Variants in P3H1 observed in about 807,000 individuals in gnomAD.
P3H1 encodes growth suppressor 1.
P3H1 carries 69 observed loss-of-function variants against 84.0 expected under a neutral mutation model. That is an observed-to-expected ratio of 0.82 (90% confidence interval 0.68 to 1.00). The LOEUF is 1.00. Among genes scored for constraint, P3H1 ranks in the 50% least tolerant of loss-of-function variants. The pLI is 0.00. For synonymous variants in P3H1, 366 were observed against 388.8 expected (o/e 0.94, Z 0.69); for missense variants, 878 against 962.8 (o/e 0.91, Z 1.17).
At chr1:42,750,454 G>A (rs1651973392) in intron 10 of P3H1, 118 bp from the exon 11 acceptor site, 1 of 1,110,644 alleles carries the variant, frequency 9.0e-7, no homozygotes, top group Non-Finnish European at 1.3e-6. Flanking sequence ...AAGGGACCTG[G>A]TGGGAGATGA....
chr1:42,765,304 T>C (rs1448286950), intron 1 of P3H1, among the ~76,000 whole-genome samples: 1 of 152,246 alleles, frequency 6.6e-6, no homozygotes, highest in East Asian at 1.9e-4. Flanking sequence ...ATATTACCTC[T>C]TCTTTGAAGT....
chr1:42,759,681 C>T (rs1354955452), intron 2 of P3H1, among the ~76,000 whole-genome samples: 2 of 152,114 alleles, frequency 1.3e-5, no homozygotes, highest in Non-Finnish European at 2.9e-5. Flanking sequence ...GCAACCTCCA[C>T]CTCCTGGGTT....
Position 42,752,948 on chromosome 1 carries a change from C to T in P3H1, c.1346-284G>A, listed in dbSNP as rs79290834. On this transcript the variant is annotated intron_variant, in intron 8 of 14. Transcript: ENST00000296388. The stretch of plus-strand genomic sequence containing the variant: ...GAAACACAATCCTAAAACATGAGCT[C>T]GGGAACGAGGAAGAACTGACTTTGA... Among the ~76,000 whole-genome samples the T allele has an allele frequency of 0.015, 2,218 of 152,198 alleles. 61 individuals carry two copies. Among genetic ancestry groups the T allele is most frequent in the African/African-American group, 0.05 (2,087 of 41,496 alleles).
chr1:42,762,059 T>C (rs1652746533), intron 2 of P3H1: 1 of 437,794 alleles, frequency 2.3e-6, no homozygotes, highest in South Asian at 2.4e-5. Flanking sequence ...TTCTACAATG[T>C]TATACAATGA....
Position 42,766,007 on chromosome 1 carries a change from T to TCCCCCCCCCCCCC in P3H1, c.465+499_465+500insGGGGGGGGGGGGG, listed in dbSNP as rs747617057. The stretch of plus-strand genomic sequence containing the variant: ...TAAACCTGGCAGACTAGCCAGAGGG[T>TCCCCCCCCCCCCC]CCCCCCCCCGCCCCCACACACACAC... On this transcript the variant is annotated intron_variant, in intron 1 of 14. Coordinates refer to ENST00000296388, the MANE Select transcript of P3H1 (RefSeq NM_022356.4). Among the ~76,000 whole-genome samples, 5 of 117,722 alleles carry TCCCCCCCCCCCCC rather than the reference T, an allele frequency of 4.2e-5. 1 individual carries two copies. Among genetic ancestry groups the TCCCCCCCCCCCCC allele is most frequent in the South Asian group, 2.9e-4 (1 of 3,452 alleles). 77.2% of individuals were successfully genotyped at this position (117,722 alleles called of 152,430 possible).
rs72956932 is a variant in P3H1 at position 42,757,974 on chromosome 1, T to G, written c.941-52A>C. ...AGAGGAAAGAGTCAAAAGGAAAGGATAAAATCCTAGCACCAGGGACCACTT... is the reference window on the plus strand; with the variant it reads ...AGAGGAAAGAGTCAAAAGGAAAGGAGAAAATCCTAGCACCAGGGACCACTT... On this transcript the variant is annotated intron_variant, in intron 4 of 14. Coordinates refer to ENST00000296388, the MANE Select transcript of P3H1 (RefSeq NM_022356.4). 9.0e-3 allele frequency: 13,947 copies of G among 1,558,062 alleles called. 680 individuals are homozygous for G. The African/African-American group carries it at 0.13, about 15-fold the overall frequency.
intron 9 of P3H1, 71 bp from the exon 10 acceptor site, chr1:42,752,440 G>C: frequency 6.2e-7 from 1 of 1,609,008 alleles, no homozygotes; most frequent in East Asian, 2.2e-5. Context: ...GGTCAACTGT[G>C]GCCAGGAAGA....
chr1:42,763,711 G>C (rs1037656745), intron 1 of P3H1, among the ~76,000 whole-genome samples: 1 of 150,576 alleles, frequency 6.6e-6, no homozygotes, highest in South Asian at 2.1e-4. Context: ...GAAATCCAAG[G>C]GGGGAGAAAT....
chr1:42,752,410 C>G, intron 9 of P3H1, 41 bp from the exon 10 acceptor site: 1 of 1,611,296 alleles, frequency 6.2e-7, no homozygotes, highest in Non-Finnish European at 8.5e-7. Context: ...GCCAGGGCAG[C>G]TGAGGGCTTG....
rs748214024 is a variant in P3H1, at chr1:42,748,217, G to A, written c.1821C>T (p.Tyr607=). ...TLVCVKEPPA[Y]TFRDYSAILY... is the part of the protein sequence containing the mutation. ...GCACTCACCTGTAGTCGCGGAAGGT[G>A]TAGGCTGGGGGCTCTTTGACACACA... Residue 607 remains tyrosine, a synonymous_variant, in exon 12 of 15, where the codon TAC becomes TAT. Transcript: ENST00000296388. 11 of 1,613,758 alleles carry A rather than the reference G, an allele frequency of 6.8e-6. No homozygotes were observed. In the East Asian group the frequency reaches 2.0e-4, roughly 29 times the overall value.
rs781538347 is a variant in P3H1, at chr1:42,759,014, T to A, written c.809-31A>T. 67 of 1,613,832 alleles carry A rather than the reference T, an allele frequency of 4.2e-5. No homozygotes were observed. In the East Asian group the frequency reaches 1.5e-3, roughly 35 times the overall value. ...AGGAATCAAACAGAAGGAATAACTA[T>A]GAGGTCACTCTTTAGAACTCAAATT... On this transcript the variant is annotated intron_variant, in intron 3 of 14. Transcript: ENST00000296388.
Position 42,750,173 on chromosome 1 carries a change from T to C in P3H1, c.1720+13A>G. Reference sequence around the variant, plus strand: ...CATGCGGGGGCGGGTGCTGCAGGGGTAATGAGGCCCACCTTCGATGGCAGT... The same window carrying C: ...CATGCGGGGGCGGGTGCTGCAGGGGCAATGAGGCCCACCTTCGATGGCAGT... On this transcript the variant is annotated intron_variant, in intron 11 of 14. Coordinates refer to ENST00000296388, the MANE Select transcript of P3H1 (RefSeq NM_022356.4). 1 of 1,609,744 alleles carries C rather than the reference T, an allele frequency of 6.2e-7. No individual in the cohort carries two copies.
In P3H1 at chr1:42,757,865, T is replaced by C. The variant is rs760490909; in HGVS notation, c.998A>G (p.Asn333Ser). ...CAKTYLLFFPNDEVMNQNLAY... is the reference protein window; with the variant it reads ...CAKTYLLFFPSDEVMNQNLAY... ...CAAATTTTGGTTCATCACCTCGTCATTGGGGAAGAAGAGAAGATAGGTCTT... is the reference window on the plus strand; with the variant it reads ...CAAATTTTGGTTCATCACCTCGTCACTGGGGAAGAAGAGAAGATAGGTCTT... Residue 333 changes from asparagine to serine, a missense_variant, in exon 5 of 15, where the codon AAT becomes AGT. Asn to Ser is a conservative substitution (Grantham distance 46, BLOSUM62 1). Transcript: ENST00000296388. 1.1e-5 allele frequency: 18 copies of C among 1,614,168 alleles called. 1 individual carries two copies. The highest frequency in any genetic ancestry group is 7.7e-5 in the South Asian group (7 of 91,080).
At chr1:42,746,873 C>T (rs753015612) in intron 14 of P3H1, 21 bp from the exon 15 acceptor site, 2 of 1,614,160 alleles carry the variant, frequency 1.2e-6, no homozygotes, top group South Asian at 1.1e-5. Flanking sequence ...AAACCCCTGC[C>T]CATTCAGAGA....
Position 42,757,875 on chromosome 1 carries a change from AGAG to A in P3H1, c.985_987del (p.Leu329del). 1 of 1,614,226 alleles carries A rather than the reference AGAG, an allele frequency of 6.2e-7. No individual in the cohort carries two copies. Among genetic ancestry groups the A allele is most frequent in the Non-Finnish European group, 8.5e-7 (1 of 1,180,040 alleles). On this transcript the variant is annotated inframe_deletion, in exon 5 of 15. Coordinates refer to ENST00000296388, the MANE Select transcript of P3H1 (RefSeq NM_022356.4). ...TTCATCACCTCGTCATTGGGGAAGAAGAGAAGATAGGTCTTGGCACATTCAACA... is the reference window on the plus strand; with the variant it reads ...TTCATCACCTCGTCATTGGGGAAGAAAAGATAGGTCTTGGCACATTCAACA...
intron 8 of P3H1, among the ~76,000 whole-genome samples, chr1:42,753,760 A>G (rs1210826738): frequency 6.6e-6 from 1 of 152,020 alleles, no homozygotes; most frequent in Non-Finnish European, 1.5e-5. Flanking sequence ...ATCTCTACTA[A>G]AAATACAAAA....
At position 42,766,821 on chromosome 1, in the gene P3H1, AGTCCCCGCGCGCGTAGGCTGCG is replaced by A; in HGVS notation, c.129_150del (p.Ala44GlyfsTer6). 6.2e-7 allele frequency: 1 copy of A among 1,604,034 alleles called. No individual in the cohort carries two copies. The highest frequency in any genetic ancestry group is 2.2e-5 in the East Asian group (1 of 44,846). On this transcript the variant is annotated frameshift_variant, in exon 1 of 15. Transcript: ENST00000296388. LOFTEE classifies it high-confidence loss of function. ...TCCATGCTCAGGACCACCCCGGGCCAGTCCCCGCGCGCGTAGGCTGCGGTCCCCTCGGCGAAGAGCAGATCAG... is the reference window on the plus strand; with the variant it reads ...TCCATGCTCAGGACCACCCCGGGCCAGTCCCCTCGGCGAAGAGCAGATCAG...
At chr1:42,758,502 G>A (rs1054613948) in intron 4 of P3H1, among the ~76,000 whole-genome samples, 3 of 152,230 alleles carry the variant, frequency 2.0e-5, no homozygotes, top group Admixed American at 2.0e-4. Flanking sequence ...AAAAGCATCA[G>A]TGCTATACCA....
chr1:42,753,513 C>A (rs911556252), intron 8 of P3H1, among the ~76,000 whole-genome samples: 4 of 152,138 alleles, frequency 2.6e-5, no homozygotes, highest in Non-Finnish European at 5.9e-5. Flanking sequence ...AGAGATGAAT[C>A]CTAGAAGACA....
Sources: gnomAD v4.1 joint callset for allele counts (sites outside exome capture counted in the v4.1 genomes callset) on GRCh38, gnomAD v4.1.1 for gene constraint, MANE v1.5 for transcripts, NCBI Gene and HGNC (gene_info 2026-07-23, HGNC 2026-07-21) for gene names.